The following LPXN variants were observed in gnomAD, a reference collection of about 807,000 sequenced individuals.
The protein encoded by LPXN is leupaxin.
In LPXN, 28 loss-of-function variants were observed where a neutral mutation model predicts 45.6. The observed-to-expected ratio is 0.61, with a 90% CI of 0.45 to 0.84. LPXN has a LOEUF of 0.84. Ranked by LOEUF, LPXN falls within the 40% of genes least tolerant of loss-of-function variation. LPXN has a pLI of 0.00. For synonymous variants in LPXN, 166 were observed against 169.9 expected, an observed-to-expected ratio of 0.98 and a Z score of 0.18; for missense variants, 459 against 475.0, an observed-to-expected ratio of 0.97 and a Z score of 0.31.
At chr11:58,529,132 C>T (rs1382568766) in intron 7 of LPXN, among the ~76,000 whole-genome samples, 1 of 151,880 alleles carries the variant, frequency 6.6e-6, no homozygotes, top group East Asian at 1.9e-4. Flanking sequence ...ATAAATAAAG[C>T]CCAAATTCCA....
intron 8 of LPXN, 127 bp downstream of exon 8, chr11:58,527,916 T>C: frequency 1.6e-6 from 2 of 1,215,950 alleles, no homozygotes; most frequent in Admixed American, 4.5e-5. Context: ...ATCTCGTTTC[T>C]CCTTTAGGAT....
chr11:58,578,051 G>C, upstream of LPXN: 1 of 1,550,382 alleles, frequency 6.5e-7, no homozygotes, highest in Non-Finnish European at 8.7e-7. Context: ...AGACATGAAC[G>C]CTGGCTAGCC....
chr11:58,574,551 T>C (rs1163201194), intron 1 of LPXN, among the ~76,000 whole-genome samples: 1 of 151,994 alleles, frequency 6.6e-6, no homozygotes, highest in Admixed American at 6.6e-5. Context: ...TGAAAGCCTT[T>C]CGGTGTCCCC....
chr11:58,557,513 T>C (rs1258037733), intron 3 of LPXN, among the ~76,000 whole-genome samples: 2 of 152,118 alleles, frequency 1.3e-5, no homozygotes, highest in African/African-American at 4.8e-5. Flanking sequence ...TTTAAAAAGG[T>C]CAAATATGTA....
intron 1 of LPXN, among the ~76,000 whole-genome samples, chr11:58,571,450 A>G (rs951080987): frequency 2.0e-5 from 3 of 152,026 alleles, no homozygotes; most frequent in African/African-American, 7.2e-5. Flanking sequence ...CATACGAGGG[A>G]AATAACACTT....
upstream of LPXN, chr11:58,577,997 C>A: frequency 6.4e-7 from 1 of 1,550,534 alleles, no homozygotes; most frequent in South Asian, 1.2e-5. Flanking sequence ...TCTAGGAGCT[C>A]ACAGGTGAGT....
intron 7 of LPXN, 23 bp from the exon 8 acceptor site, chr11:58,528,214 T>C: frequency 6.2e-7 from 1 of 1,610,070 alleles, no homozygotes; most frequent in Non-Finnish European, 8.5e-7. Flanking sequence ...AATCAGGAAT[T>C]CACTGTTGCA....
chr11:58,527,240 A>G lies in LPXN; in HGVS notation c.*214T>C, dbSNP rs531751028. ...GTGCTTGATTGGAGAAGAGAGGGAG[A>G]AAGAGAATTTATAGAATTAACTGTA... On this transcript the variant is annotated 3_prime_UTR_variant, in exon 9 of 9. Coordinates refer to ENST00000395074, the MANE Select transcript of LPXN (RefSeq NM_004811.3). 3 of 527,644 alleles carry G rather than the reference A, an allele frequency of 5.7e-6. No individual in the cohort carries two copies. The highest frequency in any genetic ancestry group is 6.3e-5 in the East Asian group (2 of 31,746). 32.7% of individuals were successfully genotyped at this position (527,644 alleles called of 1,614,324 possible). A position where few individuals can be genotyped will look rare whatever the true frequency, so the allele number is the denominator to read the frequency against.
chr11:58,571,379 A>AAATAAATC (rs1384940228), intron 1 of LPXN, among the ~76,000 whole-genome samples: 6 of 141,630 alleles, frequency 4.2e-5, no homozygotes, highest in Admixed American at 7.1e-5. Context: ...ATAAATAAAT[A>AAATAAATC]AATCCTAAAT....
intron 1 of LPXN, among the ~76,000 whole-genome samples, chr11:58,571,882 A>C (rs1213463405): frequency 2.0e-5 from 3 of 152,218 alleles, no homozygotes; most frequent in Non-Finnish European, 4.4e-5. Flanking sequence ...TGAATGCAGA[A>C]CCAGGACTTG....
chr11:58,574,102 T>A (rs968454219), intron 1 of LPXN, among the ~76,000 whole-genome samples: 1 of 152,168 alleles, frequency 6.6e-6, no homozygotes, highest in South Asian at 2.1e-4. Context: ...GATGACAATT[T>A]GAAGAAACTG....
In LPXN at chr11:58,575,841, G is replaced by A; in HGVS notation, c.-69C>T. 1 of 1,613,996 alleles carries A rather than the reference G, an allele frequency of 6.2e-7. No individual in the cohort carries two copies. The highest frequency in any genetic ancestry group is 1.1e-5 in the South Asian group (1 of 91,060). On this transcript the variant is annotated 5_prime_UTR_variant, in exon 1 of 9. Transcript: ENST00000395074. ...CAGCTTTGGCATGTGCTGAAGAAGA[G>A]GACCGCAAAGGAACTGGATGAGACA...
chr11:58,574,797 G>C (rs1854829556), intron 1 of LPXN, among the ~76,000 whole-genome samples: 1 of 152,040 alleles, frequency 6.6e-6, no homozygotes, highest in Non-Finnish European at 1.5e-5. Context: ...CTGGTAATTT[G>C]CCCTTTACTT....
chr11:58,575,654 T>C (rs1346998525), intron 1 of LPXN, 106 bp downstream of exon 1: 8 of 1,246,210 alleles, frequency 6.4e-6, no homozygotes, highest in Non-Finnish European at 9.5e-6. Context: ...GAAAATAAAA[T>C]CTTCCATTAC....
intron 2 of LPXN, among the ~76,000 whole-genome samples, chr11:58,568,723 A>G (rs1389097622): frequency 1.3e-5 from 2 of 152,208 alleles, no homozygotes; most frequent in Non-Finnish European, 2.9e-5. Flanking sequence ...GCAAATACTG[A>G]TAAGAAAACT....
At chr11:58,531,872 C>T (rs1342854776) in intron 7 of LPXN, among the ~76,000 whole-genome samples, 2 of 152,256 alleles carry the variant, frequency 1.3e-5, no homozygotes, top group East Asian at 3.8e-4. Context: ...CTTCAGCCTG[C>T]CGCTGCACTG....
At chr11:58,578,202 G>C (rs1854967618), upstream of LPXN, 2 of 961,452 alleles carry the variant, frequency 2.1e-6, no homozygotes, top group Non-Finnish European at 2.9e-6. Context: ...CAATTGGCTC[G>C]ACGCTTGAGC....
At chr11:58,527,841 C>A in intron 8 of LPXN, 118 bp from the exon 9 acceptor site, 1 of 1,189,096 alleles carries the variant, frequency 8.4e-7, no homozygotes, top group South Asian at 1.5e-5. Context: ...AGGAATTTCC[C>A]TCAGGTTCTT....
chr11:58,564,693 A>C (rs1314894751), intron 2 of LPXN, among the ~76,000 whole-genome samples: 1 of 152,238 alleles, frequency 6.6e-6, no homozygotes, highest in Non-Finnish European at 1.5e-5. Context: ...GCAGTCAAAA[A>C]GCAAAAAAAT....
Sources: allele counts gnomAD v4.1 joint callset (sites outside exome capture counted in the v4.1 genomes callset), GRCh38; gene constraint gnomAD v4.1.1; transcripts MANE v1.5; gene names NCBI Gene and HGNC (gene_info 2026-07-23, HGNC 2026-07-21).